The following SMG7 variants were observed in gnomAD, a reference collection of about 807,000 sequenced individuals.
SMG7 encodes the protein nonsense-mediated mRNA decay factor SMG7.
In SMG7, 34 loss-of-function variants were observed where a neutral mutation model predicts 148.2. The ratio of observed to expected loss-of-function variants is 0.23; its 90% CI spans 0.17 to 0.31. The LOEUF (loss-of-function observed/expected upper bound fraction) is 0.31. Ranked by LOEUF, SMG7 falls within the 10% of genes least tolerant of loss-of-function variation. The pLI is 1.00. For missense variants in SMG7, 1,114 were observed against 1,408.4 expected (o/e 0.79, Z 3.35); for synonymous variants, 492 against 515.1 (o/e 0.96, Z 0.61).
At chr1:183,526,098 A>G (rs1665774487) in intron 4 of SMG7, among the ~76,000 whole-genome samples, 1 of 151,324 alleles carries the variant, frequency 6.6e-6, no homozygotes, top group African/African-American at 2.4e-5. Flanking sequence ...TATGATTTAT[A>G]ATGAATGATA....
At chr1:183,542,846 G>A (rs1327090097) in intron 14 of SMG7, among the ~76,000 whole-genome samples, 2 of 150,826 alleles carry the variant, frequency 1.3e-5, no homozygotes, top group African/African-American at 4.9e-5. Flanking sequence ...GAGATTTGGG[G>A]TCTTCTGTAG....
At chr1:183,516,956 A>G (rs1663690550) in intron 3 of SMG7, among the ~76,000 whole-genome samples, 1 of 152,148 alleles carries the variant, frequency 6.6e-6, no homozygotes, top group Admixed American at 6.5e-5. Context: ...TGCTTCCTTT[A>G]ATCAGGCCAG....
Position 183,552,319 on chromosome 1 carries a change from G to T in SMG7, c.*388G>T. The T allele has an allele frequency of 1.0e-6, 1 of 999,730 alleles. No individual in the cohort carries two copies. The allele number at this position is 999,730 out of a possible 1,614,324, so 61.9% of individuals were successfully genotyped here. ...CTTCTCAGTCCTTTTTTCCTCTTTG[G>T]GGAATAAAATAGGAATCCATTAATG... is the stretch of plus-strand genomic sequence containing the variant. On this transcript the variant is annotated 3_prime_UTR_variant, in exon 23 of 23. Coordinates refer to ENST00000688051, the MANE Select transcript of SMG7 (RefSeq NM_001375584.1).
chr1:183,503,081 A>G (rs1387036263), intron 1 of SMG7, among the ~76,000 whole-genome samples: 1 of 152,226 alleles, frequency 6.6e-6, no homozygotes, highest in Non-Finnish European at 1.5e-5. Flanking sequence ...GTGGAACCCA[A>G]GCTCTGCCAT....
intron 12 of SMG7, among the ~76,000 whole-genome samples, chr1:183,540,059 G>T (rs560527384): frequency 6.6e-6 from 1 of 152,122 alleles, no homozygotes; most frequent in South Asian, 2.1e-4. Flanking sequence ...ATTTCCCCCA[G>T]TATTTATAAA....
At position 183,550,010 on chromosome 1, in the gene SMG7, A is replaced by G. The variant is rs1670694175; in HGVS notation, c.3133+87A>G. On this transcript the variant is annotated intron_variant, in intron 20 of 22. Coordinates refer to ENST00000688051, the MANE Select transcript of SMG7 (RefSeq NM_001375584.1). Reference sequence around the variant, plus strand: ...ATAGTGAGATTCTGTAATTACAAATATATCATTTGTTGGGTTATTTTTATT... The same window carrying G: ...ATAGTGAGATTCTGTAATTACAAATGTATCATTTGTTGGGTTATTTTTATT... The G allele has an allele frequency of 1.2e-5, 10 of 829,830 alleles. No homozygotes were observed. The South Asian group carries it at 2.2e-4, about 19-fold the overall frequency. The allele number at this position is 829,830 out of a possible 1,614,324, so 51.4% of individuals were successfully genotyped here.
intron 1 of SMG7, among the ~76,000 whole-genome samples, chr1:183,507,523 AACCTCTGTCTCCTT>A (rs1199467728): frequency 6.6e-6 from 1 of 152,172 alleles, no homozygotes; most frequent in African/African-American, 2.4e-5. Context: ...GATACTACTT[AACCTCTGTCTCCTT>A]GGGTTTCTTG....
chr1:183,506,395 T>C lies in SMG7; in HGVS notation c.30-6442T>C, dbSNP rs78426910. ...TCTTCTCTAGATTTTCTTTTCCAAA[T>C]GACATTCAACAGTAGAGCAATATGA... is the stretch of plus-strand genomic sequence containing the variant. On this transcript the variant is annotated intron_variant, in intron 1 of 22. Transcript: ENST00000688051. Among the ~76,000 whole-genome samples, 1,023 of 152,286 alleles carry C rather than the reference T, an allele frequency of 6.7e-3. 11 individuals carry two copies. The highest frequency in any genetic ancestry group is 0.023 in the African/African-American group (974 of 41,564).
At chr1:183,550,971 C>G (rs1670939438) in intron 21 of SMG7, 50 bp downstream of exon 21, 1 of 1,613,256 alleles carries the variant, frequency 6.2e-7, no homozygotes, top group Non-Finnish European at 8.5e-7. Flanking sequence ...TTTACTCTAT[C>G]CTTCCCTGGG....
intron 12 of SMG7, among the ~76,000 whole-genome samples, chr1:183,540,493 T>C (rs868120607): frequency 7.2e-5 from 11 of 152,188 alleles, no homozygotes; most frequent in Middle Eastern, 3.4e-3. Flanking sequence ...CCTTCTGATA[T>C]CAATGAGTTA....
intron 11 of SMG7, 119 bp from the exon 12 acceptor site, chr1:183,538,261 G>GA (rs1668153399): frequency 1.0e-5 from 7 of 691,378 alleles, no homozygotes; most frequent in South Asian, 1.0e-4. Context: ...GAAGAGCAGA[G>GA]AACAATAAGC....
At chr1:183,489,895 C>A (rs1557958720) in intron 1 of SMG7, among the ~76,000 whole-genome samples, 1 of 152,160 alleles carries the variant, frequency 6.6e-6, no homozygotes, top group Non-Finnish European at 1.5e-5. Context: ...GAAGGGGTTG[C>A]TCTAATGCAA....
intron 1 of SMG7, among the ~76,000 whole-genome samples, chr1:183,495,702 T>C (rs1037347064): frequency 6.6e-6 from 1 of 152,116 alleles, no homozygotes; most frequent in Admixed American, 6.5e-5. Flanking sequence ...AACCCATCTC[T>C]ACTAAAAATA....
At chr1:183,520,876 A>G (rs1165797643) in intron 4 of SMG7, among the ~76,000 whole-genome samples, 1 of 152,100 alleles carries the variant, frequency 6.6e-6, no homozygotes, top group African/African-American at 2.4e-5. Context: ...ATGTCTCAAA[A>G]ATTGTTTTTT....
intron 1 of SMG7, among the ~76,000 whole-genome samples, chr1:183,491,279 A>T (rs1440410315): frequency 6.6e-6 from 1 of 152,244 alleles, no homozygotes; most frequent in Non-Finnish European, 1.5e-5. Flanking sequence ...ACACATTCAT[A>T]GTTCCTTCCT....
chr1:183,480,533 C>T (rs560810573), intron 1 of SMG7, among the ~76,000 whole-genome samples: 4 of 152,022 alleles, frequency 2.6e-5, no homozygotes, highest in Admixed American at 2.0e-4. Context: ...CTCTGTGTGT[C>T]CCCCTCTCTT....
At chr1:183,489,147 A>G (rs1656296438) in intron 1 of SMG7, among the ~76,000 whole-genome samples, 1 of 152,212 alleles carries the variant, frequency 6.6e-6, no homozygotes, top group African/African-American at 2.4e-5. Flanking sequence ...TTAAAAAAAA[A>G]AGTTCAATCA....
At chr1:183,548,195 T>C (rs1007695588) in intron 18 of SMG7, among the ~76,000 whole-genome samples, 1 of 152,132 alleles carries the variant, frequency 6.6e-6, no homozygotes, top group Non-Finnish European at 1.5e-5. Flanking sequence ...TTTGCCTGGG[T>C]AGTAGCAGTA....
chr1:183,544,825 A>T (rs1288547735), intron 15 of SMG7, 105 bp from the exon 16 acceptor site: 1 of 1,108,814 alleles, frequency 9.0e-7, no homozygotes, highest in Non-Finnish European at 1.3e-6. Context: ...CTCTTTTGTG[A>T]TGTGTTAGAA....
Sources: gnomAD v4.1 joint callset for allele counts (sites outside exome capture counted in the v4.1 genomes callset) on GRCh38, gnomAD v4.1.1 for gene constraint, MANE v1.5 for transcripts, NCBI Gene and HGNC (gene_info 2026-07-23, HGNC 2026-07-21) for gene names.